The following STAU1 variants were observed in gnomAD, a reference collection of about 807,000 sequenced individuals.
STAU1 encodes staufen double-stranded RNA binding protein 1, also known as double-stranded RNA-binding protein Staufen homolog 1.
In STAU1, 13 loss-of-function variants were observed where a neutral mutation model predicts 62.9. That is an observed-to-expected ratio of 0.21 (90% CI 0.13 to 0.33). STAU1 has a LOEUF of 0.33. Among genes scored for constraint, STAU1 ranks in the 10% least tolerant of loss-of-function variants. The pLI, the probability that STAU1 is intolerant of heterozygous loss-of-function variation, is 1.00. For missense variants in STAU1, 571 were observed against 712.1 expected (o/e 0.80, Z 2.25); for synonymous variants, 269 against 265.1 (o/e 1.01, Z -0.14).
At chr20:49,205,767 T>G in the STAU1 span, among the ~76,000 whole-genome samples, 1 of 150,988 alleles carries the variant, frequency 6.6e-6, no homozygotes, top group African/African-American at 2.4e-5. Context: ...CTCCGCCTCC[T>G]GGGTTCAAGC....
At chr20:49,198,958 A>AC in the STAU1 span, among the ~76,000 whole-genome samples, 2 of 150,996 alleles carry the variant, frequency 1.3e-5, no homozygotes, top group South Asian at 4.2e-4. Flanking sequence ...ACAAGATGAG[A>AC]CCCCGTCCCC....
In STAU1 at chr20:49,135,944, T is replaced by C. The variant is rs755035240; in HGVS notation, c.511-13A>G. 28 of 1,600,932 alleles carry C rather than the reference T, an allele frequency of 1.7e-5. No individual in the cohort carries two copies. Among genetic ancestry groups the C allele is most frequent in the Non-Finnish European group, 2.0e-5 (23 of 1,169,432 alleles). On this transcript the variant is annotated splice_polypyrimidine_tract_variant and intron_variant, in intron 5 of 13. Transcript: ENST00000371856. The stretch of plus-strand genomic sequence containing the variant: ...CTCTTCCATTCACCTGTAAGAATAA[T>C]TGTTTAGTAGTTAGCTCTTATTAAA...
intron 8 of STAU1, among the ~76,000 whole-genome samples, chr20:49,121,058 G>A (rs1055943739): frequency 3.9e-5 from 6 of 151,910 alleles, no homozygotes; most frequent in Admixed American, 6.6e-5. Flanking sequence ...GATTACAGGC[G>A]TAAGCCATCA....
At chr20:49,188,646 C>G (rs1045384564), upstream of STAU1, among the ~76,000 whole-genome samples, 1 of 152,234 alleles carries the variant, frequency 6.6e-6, no homozygotes, top group Admixed American at 6.5e-5. Context: ...CCCAGCCTAC[C>G]TTCTTTCCTC....
At chr20:49,135,002 G>A (rs2092843809) in intron 6 of STAU1, 3 of 1,601,640 alleles carry the variant, frequency 1.9e-6, no homozygotes, top group Non-Finnish European at 2.6e-6. Flanking sequence ...GAGTCTTTCA[G>A]GACCTGGACA....
At chr20:49,208,279 C>T in the STAU1 span, among the ~76,000 whole-genome samples, 26 of 152,100 alleles carry the variant, frequency 1.7e-4, no homozygotes, top group South Asian at 4.1e-4. Context: ...AGGATGGTCT[C>T]GATCTCTTGA....
chr20:49,199,355 C>T, the STAU1 span, among the ~76,000 whole-genome samples: 16 of 150,378 alleles, frequency 1.1e-4, no homozygotes, highest in African/African-American at 3.4e-4. Context: ...CTCAGCCTCC[C>T]GAGTAGCTGG....
chr20:49,144,951 T>G (rs1334952062), intron 5 of STAU1, among the ~76,000 whole-genome samples: 1 of 152,088 alleles, frequency 6.6e-6, no homozygotes, highest in Non-Finnish European at 1.5e-5. Context: ...ATCCCTAAGA[T>G]CCCATCATGT....
At chr20:49,124,677 G>C in intron 6 of STAU1, 90 bp from the exon 7 acceptor site, 1 of 1,355,782 alleles carries the variant, frequency 7.4e-7, no homozygotes, top group South Asian at 1.2e-5. Flanking sequence ...CACAGACACA[G>C]GGAAGGGGAA....
chr20:49,146,606 A>G (rs1181857444), intron 5 of STAU1, among the ~76,000 whole-genome samples: 2 of 151,518 alleles, frequency 1.3e-5, no homozygotes, highest in Non-Finnish European at 2.9e-5. Flanking sequence ...GGAGGCTGAG[A>G]TGGGAGGATC....
At chr20:49,195,898 C>CAAAAAAAAAAAAAAAAAAAAAA in the STAU1 span, among the ~76,000 whole-genome samples, 1 of 33,870 alleles carries the variant, frequency 3.0e-5, no homozygotes, top group Non-Finnish European at 5.1e-5. Context: ...AACTTCCTCT[C>CAAAAAAAAAAAAAAAAAAAAAA]AAAAAAAAAA....
chr20:49,146,790 C>T (rs1422384247), intron 5 of STAU1, among the ~76,000 whole-genome samples: 1 of 152,040 alleles, frequency 6.6e-6, no homozygotes, highest in Non-Finnish European at 1.5e-5. Context: ...AGTAACAGCT[C>T]TGCATCTTCA....
chr20:49,128,821 T>C (rs2092690341), intron 6 of STAU1, among the ~76,000 whole-genome samples: 1 of 142,518 alleles, frequency 7.0e-6, no homozygotes, highest in Non-Finnish European at 1.5e-5. Context: ...TGTCACAGTA[T>C]ATATGAAAAC....
intron 2 of STAU1, among the ~76,000 whole-genome samples, chr20:49,168,917 C>G (rs1568919665): frequency 1.3e-5 from 2 of 152,082 alleles, no homozygotes; most frequent in East Asian, 3.9e-4. Context: ...AAGAAAATCC[C>G]CTTTCTATCT....
chr20:49,132,180 C>A (rs1481124060), intron 6 of STAU1, among the ~76,000 whole-genome samples: 1 of 152,088 alleles, frequency 6.6e-6, no homozygotes, highest in African/African-American at 2.4e-5. Context: ...GCCGCCCACA[C>A]CCAAGGGCAG....
chr20:49,202,751 G>C, the STAU1 span, among the ~76,000 whole-genome samples: 1 of 151,440 alleles, frequency 6.6e-6, no homozygotes. Context: ...AGAAGAAGGA[G>C]AAGGAGGCCA....
intron 12 of STAU1, 41 bp from the exon 13 acceptor site, chr20:49,115,908 T>G (rs1227355737): frequency 6.4e-7 from 1 of 1,574,426 alleles, no homozygotes; most frequent in East Asian, 2.2e-5. Context: ...CAGCCACCGC[T>G]TGGGACCACA....
At chr20:49,125,463 G>A (rs2145903682) in intron 6 of STAU1, among the ~76,000 whole-genome samples, 1 of 148,778 alleles carries the variant, frequency 6.7e-6, no homozygotes, top group East Asian at 2.0e-4. Flanking sequence ...CTGAGAGACG[G>A]AGGTTGCAGT....
chr20:49,160,485 G>A (rs184074658), intron 3 of STAU1, among the ~76,000 whole-genome samples: 4 of 152,190 alleles, frequency 2.6e-5, no homozygotes, highest in South Asian at 2.1e-4. Flanking sequence ...AGACAACTCC[G>A]TATCTCCGTG....
Sources: allele counts gnomAD v4.1 joint callset (sites outside exome capture counted in the v4.1 genomes callset), GRCh38; gene constraint gnomAD v4.1.1; transcripts MANE v1.5; gene names NCBI Gene and HGNC (gene_info 2026-07-23, HGNC 2026-07-21).